The following ARMC3 variants were observed in gnomAD, a reference collection of about 807,000 sequenced individuals.
The protein encoded by ARMC3 is armadillo repeat containing 3, also known as armadillo repeat-containing protein 3.
Under a neutral mutation model 90.3 loss-of-function variants are expected in ARMC3, and 74 were observed. The observed-to-expected ratio is 0.82, with a 90% CI of 0.68 to 0.99. The LOEUF (loss-of-function observed/expected upper bound fraction) is 0.99, where lower values mean the gene tolerates loss of function less well. Ranked by LOEUF, ARMC3 falls within the 50% of genes least tolerant of loss-of-function variation. ARMC3 has a pLI of 0.00. For missense variants in ARMC3, 958 were observed against 1,042.8 expected (o/e 0.92, Z 1.12); for synonymous variants, 334 against 361.8 (o/e 0.92, Z 0.87).
At chr10:22,959,739 A>T in intron 6 of ARMC3, 165 bp downstream of exon 6, 1 of 712,292 alleles carries the variant, frequency 1.4e-6, no homozygotes. Context: ...AGCTTAATGT[A>T]GATAATCTTT....
chr10:23,010,868 T>C (rs183047356), intron 16 of ARMC3, among the ~76,000 whole-genome samples: 36,965 of 62,884 alleles, frequency 0.59, 13,102 homozygotes, highest in Non-Finnish European at 0.71. Flanking sequence ...CCCTTGCCTC[T>C]CCTCTCCTTC....
At chr10:22,993,530 CCTT>C (rs1395909943) in intron 10 of ARMC3, among the ~76,000 whole-genome samples, 2 of 152,186 alleles carry the variant, frequency 1.3e-5, no homozygotes, top group Admixed American at 6.5e-5. Context: ...TTTCCCCCTC[CCTT>C]CTTCTTGATA....
rs372556306 is a variant in ARMC3, at chr10:22,968,483, T to TATG, written c.913_915dup (p.Asp305dup). ...AGCAAAAGCCATTACTAAAGCAGCT[T>TATG]ATGATCGTATGTCTCATTTTATTTT... is the stretch of plus-strand genomic sequence containing the variant. On this transcript the variant is annotated inframe_insertion, in exon 8 of 19. Coordinates refer to ENST00000298032, the MANE Select transcript of ARMC3 (RefSeq NM_173081.5). The TATG allele has an allele frequency of 5.3e-5, 83 of 1,574,856 alleles. No homozygotes were observed. In the African/African-American group the frequency reaches 1.0e-3, roughly 19 times the overall value.
intron 10 of ARMC3, among the ~76,000 whole-genome samples, chr10:22,986,218 A>T (rs1465728480): frequency 1.3e-5 from 2 of 151,468 alleles, no homozygotes; most frequent in Non-Finnish European, 2.9e-5. Flanking sequence ...TCCATCCCAT[A>T]GTAGGCATTC....
intron 2 of ARMC3, among the ~76,000 whole-genome samples, chr10:22,944,216 C>T (rs1834435543): frequency 2.0e-5 from 3 of 152,128 alleles, no homozygotes; most frequent in Admixed American, 1.3e-4. Context: ...TGATTATCTT[C>T]AATAAGCAGT....
chr10:22,987,393 G>T (rs746954967), intron 10 of ARMC3, among the ~76,000 whole-genome samples: 1 of 152,072 alleles, frequency 6.6e-6, no homozygotes, highest in African/African-American at 2.4e-5. Flanking sequence ...GTTCCAAGAA[G>T]AAAAAGGGTT....
chr10:22,974,509 A>AC (rs1564364926), intron 8 of ARMC3, among the ~76,000 whole-genome samples: 1 of 152,196 alleles, frequency 6.6e-6, no homozygotes, highest in East Asian at 1.9e-4. Flanking sequence ...ATAAACAGTT[A>AC]TTTTAAAGAT....
intron 10 of ARMC3, among the ~76,000 whole-genome samples, chr10:22,986,890 G>C (rs938647835): frequency 6.6e-6 from 1 of 152,038 alleles, no homozygotes; most frequent in African/African-American, 2.4e-5. Context: ...TTTTATAAAG[G>C]CATAGTAAAA....
At position 22,981,667 on chromosome 10, in the gene ARMC3, C is replaced by T; in HGVS notation, c.1142C>T (p.Ala381Val). ...EVREAAALAL[A>V]NLTTCNPANA... ...CGGGAAGCAGCAGCTCTAGCCCTGG[C>T]AAACCTAACCACTTGCAACCCTGCT... The change falls in exon 10 of 19, where the codon GCA (alanine) becomes GTA (valine). Residue 381 changes from alanine (A) to valine (V), a missense_variant. Ala to Val is a moderately conservative substitution (Grantham distance 64, BLOSUM62 0). Coordinates refer to ENST00000298032, the MANE Select transcript of ARMC3 (RefSeq NM_173081.5). The T allele has an allele frequency of 6.2e-7, 1 of 1,613,994 alleles. No individual in the cohort carries two copies. The highest frequency in any genetic ancestry group is 8.5e-7 in the Non-Finnish European group (1 of 1,179,956).
At chr10:22,940,500 T>C (rs1234306571) in intron 2 of ARMC3, among the ~76,000 whole-genome samples, 2 of 152,248 alleles carry the variant, frequency 1.3e-5, no homozygotes, top group African/African-American at 4.8e-5. Flanking sequence ...TTTTTTTCTT[T>C]TTTTGAGACA....
At chr10:23,001,879 C>G in intron 11 of ARMC3, 40 bp from the exon 12 acceptor site, 1 of 1,594,720 alleles carries the variant, frequency 6.3e-7, no homozygotes, top group Non-Finnish European at 8.5e-7. Context: ...TAGTTACATT[C>G]TACACTCTTA....
intron 3 of ARMC3, among the ~76,000 whole-genome samples, chr10:22,954,978 A>C (rs1834870792): frequency 6.6e-6 from 1 of 152,184 alleles, no homozygotes; most frequent in Non-Finnish European, 1.5e-5. Context: ...AAGCTGATGT[A>C]AAGTCCTAGA....
chr10:23,037,279 GA>G lies in ARMC3; in HGVS notation c.2420del (p.Asp807ValfsTer9). On this transcript the variant is annotated frameshift_variant, in exon 19 of 19. Transcript: ENST00000298032. LOFTEE classifies it low-confidence loss of function (END_TRUNC). The part of the protein sequence containing the change: ...HRALLFKALA[D>X]RIGIGCSLVR... ...TTGTTTTCTCCTGCAGGCTCTGGCT[GA>G]TAGAATTGGCATTGGTTGCTCCCTA... 2 of 1,593,568 alleles carry G rather than the reference GA, an allele frequency of 1.3e-6. No homozygotes were observed. The highest frequency in any genetic ancestry group is 1.7e-6 in the Non-Finnish European group (2 of 1,166,114).
At chr10:22,997,174 T>C (rs985926925) in intron 10 of ARMC3, 6 of 152,206 alleles carry the variant, frequency 3.9e-5, no homozygotes, top group African/African-American at 1.4e-4. Flanking sequence ...AACTAAAGTA[T>C]CTTCCACTCA....
chr10:23,008,674 T>A, intron 15 of ARMC3, 141 bp from the exon 16 acceptor site: 1 of 748,196 alleles, frequency 1.3e-6, no homozygotes, highest in Non-Finnish European at 2.2e-6. Flanking sequence ...GGCTTCATCA[T>A]GGGGAAAGGA....
chr10:22,949,091 C>G (rs1385611520), intron 3 of ARMC3, among the ~76,000 whole-genome samples: 1 of 151,948 alleles, frequency 6.6e-6, no homozygotes, highest in Admixed American at 6.6e-5. Flanking sequence ...AATAATTAGT[C>G]CTAGATTGTG....
intron 13 of ARMC3, chr10:23,006,651 C>T (rs1022032479): frequency 5.0e-5 from 22 of 440,398 alleles, no homozygotes; most frequent in African/African-American, 2.4e-4. Context: ...ATGAAACAGC[C>T]GAGTGTAAAG....
At chr10:22,958,284 T>C (rs185834269) in intron 4 of ARMC3, among the ~76,000 whole-genome samples, 1 of 152,336 alleles carries the variant, frequency 6.6e-6, no homozygotes, top group African/African-American at 2.4e-5. Context: ...AATATACTTA[T>C]TTTTAAGCAT....
At chr10:22,946,820 A>C (rs912513355) in intron 3 of ARMC3, 1 of 152,250 alleles carries the variant, frequency 6.6e-6, no homozygotes, top group Non-Finnish European at 1.5e-5. Context: ...AAATAAGCTT[A>C]CAATGGATAA....
Sources: gnomAD v4.1 joint callset for allele counts (sites outside exome capture counted in the v4.1 genomes callset) on GRCh38, gnomAD v4.1.1 for gene constraint, MANE v1.5 for transcripts, NCBI Gene and HGNC (gene_info 2026-07-23, HGNC 2026-07-21) for gene names.